SEPTIN10: variants seen among roughly 807,000 people sequenced by gnomAD.
The protein encoded by SEPTIN10 is septin 10.
SEPTIN10 carries 66 observed loss-of-function variants against 54.8 expected under a neutral mutation model. The ratio of observed to expected loss-of-function variants is 1.21; its 90% CI spans 0.99 to 1.48. The LOEUF (loss-of-function observed/expected upper bound fraction) is 1.48. Ranked by LOEUF, SEPTIN10 falls within the 40% of genes most tolerant of loss-of-function variation. The pLI is 0.00. For missense variants in SEPTIN10, 620 were observed against 545.6 expected, an observed-to-expected ratio of 1.14 and a Z score of -1.36; for synonymous variants, 161 against 181.0, an observed-to-expected ratio of 0.89 and a Z score of 0.89.
In SEPTIN10 at chr2:109,574,725, G is replaced by C. The variant is rs1573591498; in HGVS notation, c.456C>G (p.Ala152=). 2 of 1,601,770 alleles carry C rather than the reference G, an allele frequency of 1.2e-6. No homozygotes were observed. Among genetic ancestry groups the C allele is most frequent in the Non-Finnish European group, 1.7e-6 (2 of 1,174,616 alleles). The part of the protein sequence containing the change: ...IVDYIDAQFE[A]YLQEELKIKR... ...TAATCTTCAGTTCTTCTTGGAGATA[G>C]GCCTCAAACTGAGCATCTATGTAGT... is the stretch of plus-strand genomic sequence containing the variant. The change falls in exon 5 of 11, where the codon GCC becomes GCG. Residue 152 remains alanine, a synonymous_variant. Transcript: ENST00000397712.
At chr2:109,585,078 G>T (rs369594263) in intron 4 of SEPTIN10, 48 bp downstream of exon 4, 4 of 1,224,642 alleles carry the variant, frequency 3.3e-6, no homozygotes, top group Non-Finnish European at 4.5e-6. Flanking sequence ...TAAGGCGAAT[G>T]TCTTGAAATA....
chr2:109,559,965 G>A (rs1252600081), intron 8 of SEPTIN10, among the ~76,000 whole-genome samples: 1 of 132,662 alleles, frequency 7.5e-6, no homozygotes, highest in Non-Finnish European at 1.5e-5. Context: ...CTGTCACCCA[G>A]GCTGGAGTGC....
chr2:109,585,978 G>A (rs73953167), intron 2 of SEPTIN10, 140 bp from the exon 3 acceptor site: 12,065 of 615,638 alleles, frequency 0.02, 703 homozygotes, highest in African/African-American at 0.16. Context: ...AGATACAAGC[G>A]ATTAAGTAAA....
chr2:109,567,856 T>C lies in SEPTIN10; in HGVS notation c.721A>G (p.Thr241Ala), dbSNP rs572040032. ...ACCTTAGCAATAGTGTCATCATCCG[T>C]TGGGAACTGGTATATCTGGACGCCA... ...SNGVQIYQFP[T>A]DDDTIAKVNA... Residue 241 changes from threonine (T) to alanine (A), a missense_variant, in exon 6 of 11, where the codon ACG becomes GCG. Transcript: ENST00000397712. 2.0e-5 allele frequency: 33 copies of C among 1,613,046 alleles called. No individual in the cohort carries two copies. The highest frequency in any genetic ancestry group is 3.3e-5 in the Admixed American group (2 of 59,802).
chr2:109,567,336 G>C (rs1293956140), intron 6 of SEPTIN10, among the ~76,000 whole-genome samples: 1 of 152,266 alleles, frequency 6.6e-6, no homozygotes, highest in East Asian at 1.9e-4. Context: ...GTAAAATTAA[G>C]AACTTAGTCA....
At chr2:109,590,067 CACACACATATAT>C (rs1693617692) in intron 2 of SEPTIN10, among the ~76,000 whole-genome samples, 1 of 144,704 alleles carries the variant, frequency 6.9e-6, no homozygotes, top group Non-Finnish European at 1.5e-5. Context: ...TATATATATA[CACACACATATAT>C]ATGTATATAT....
At chr2:109,604,694 C>G (rs967147402) in intron 1 of SEPTIN10, 2 of 147,456 alleles carry the variant, frequency 1.4e-5, no homozygotes, top group Non-Finnish European at 3.0e-5. Flanking sequence ...GCCACTCCAG[C>G]CTGGGTGACA....
intron 9 of SEPTIN10, among the ~76,000 whole-genome samples, chr2:109,551,736 T>C (rs536319518): frequency 5.4e-4 from 83 of 152,364 alleles, no homozygotes; most frequent in African/African-American, 1.8e-3. Flanking sequence ...TTCATTTACA[T>C]AGCAAGTACT....
chr2:109,609,296 C>T (rs1247165283), intron 1 of SEPTIN10, among the ~76,000 whole-genome samples: 1 of 152,038 alleles, frequency 6.6e-6, no homozygotes, highest in East Asian at 1.9e-4. Flanking sequence ...AAAATAATGC[C>T]TGTCCTCAAA....
intron 5 of SEPTIN10, among the ~76,000 whole-genome samples, chr2:109,569,681 A>G (rs1388172121): frequency 1.3e-5 from 2 of 152,168 alleles, no homozygotes; most frequent in Admixed American, 1.3e-4. Context: ...CTTAGTTTCA[A>G]TATTATATAC....
chr2:109,548,235 G>A (rs566726375), intron 9 of SEPTIN10, among the ~76,000 whole-genome samples: 5 of 151,736 alleles, frequency 3.3e-5, no homozygotes, highest in Admixed American at 1.3e-4. Context: ...TGTGTGCTGT[G>A]CCCTCTAACA....
At chr2:109,559,824 C>T (rs1197756559) in intron 8 of SEPTIN10, among the ~76,000 whole-genome samples, 1 of 151,750 alleles carries the variant, frequency 6.6e-6, no homozygotes, top group African/African-American at 2.4e-5. Flanking sequence ...ATTCCACTCC[C>T]AGAGCTGGAA....
chr2:109,553,771 T>C (rs539933553), intron 8 of SEPTIN10, among the ~76,000 whole-genome samples: 1 of 151,124 alleles, frequency 6.6e-6, no homozygotes, highest in South Asian at 2.1e-4. Flanking sequence ...GGAGAATTGC[T>C]TGAGCCTAGG....
intron 8 of SEPTIN10, among the ~76,000 whole-genome samples, chr2:109,554,725 C>G (rs576817564): frequency 6.6e-6 from 1 of 152,292 alleles, no homozygotes; most frequent in South Asian, 2.1e-4. Flanking sequence ...ATTCAAGAAC[C>G]TGCTGTACAT....
chr2:109,584,277 G>T (rs1691914785), intron 4 of SEPTIN10, among the ~76,000 whole-genome samples: 2 of 143,070 alleles, frequency 1.4e-5, no homozygotes, highest in African/African-American at 5.2e-5. Context: ...AGGAGGTCGA[G>T]ACCAGCCTGG....
At chr2:109,563,858 C>A (rs1686266316) in intron 8 of SEPTIN10, among the ~76,000 whole-genome samples, 1 of 152,118 alleles carries the variant, frequency 6.6e-6, no homozygotes, top group Non-Finnish European at 1.5e-5. Flanking sequence ...TGGAGGCTCA[C>A]ATTTGTAATC....
chr2:109,570,052 T>C (rs1299508040), intron 5 of SEPTIN10, among the ~76,000 whole-genome samples: 1 of 152,186 alleles, frequency 6.6e-6, no homozygotes, highest in Non-Finnish European at 1.5e-5. Context: ...TGTATTGCTA[T>C]TTAAAATGGG....
chr2:109,553,399 C>T (rs1683530682), intron 8 of SEPTIN10, among the ~76,000 whole-genome samples, 180 bp from the exon 9 acceptor site: 2 of 149,534 alleles, frequency 1.3e-5, no homozygotes, highest in Admixed American at 6.7e-5. Context: ...AAAAAATTAG[C>T]TGGGCATGAT....
chr2:109,582,105 C>T (rs1377772949), intron 4 of SEPTIN10, among the ~76,000 whole-genome samples: 1 of 150,500 alleles, frequency 6.6e-6, no homozygotes, highest in African/African-American at 2.4e-5. Flanking sequence ...CACACACACA[C>T]ACACACACTC....
Sources: gnomAD v4.1 joint callset for allele counts (sites outside exome capture counted in the v4.1 genomes callset) on GRCh38, gnomAD v4.1.1 for gene constraint, MANE v1.5 for transcripts, NCBI Gene and HGNC (gene_info 2026-07-23, HGNC 2026-07-21) for gene names.